SGCD: variants seen among roughly 807,000 people sequenced by gnomAD.
The protein encoded by SGCD is delta-sarcoglycan.
SGCD carries 18 observed loss-of-function variants against 36.6 expected under a neutral mutation model. The observed-to-expected ratio is 0.49, with a 90% CI of 0.34 to 0.73. The LOEUF (loss-of-function observed/expected upper bound fraction) is 0.73. SGCD is among the 30% of genes least tolerant of loss of function. The pLI is 0.01. For synonymous variants in SGCD, 133 were observed against 130.6 expected (o/e 1.02, Z -0.12); for missense variants, 387 against 346.7 (o/e 1.12, Z -0.92).
chr5:156,401,985 C>T (rs1772177021), intron 3 of SGCD, among the ~76,000 whole-genome samples: 1 of 152,194 alleles, frequency 6.6e-6, no homozygotes, highest in South Asian at 2.1e-4. Context: ...GGTTTGACTA[C>T]TCTGCCGACC....
chr5:156,061,322 C>A (rs1209787283), intron 1 of SGCD, among the ~76,000 whole-genome samples: 1 of 145,818 alleles, frequency 6.9e-6, no homozygotes, highest in African/African-American at 2.5e-5. Context: ...CAAAACAGAG[C>A]TAGACAAAAG....
intron 3 of SGCD, among the ~76,000 whole-genome samples, chr5:156,413,019 G>T (rs536023792): frequency 7.9e-5 from 12 of 151,576 alleles, no homozygotes; most frequent in Admixed American, 4.6e-4. Flanking sequence ...GGATGGTCTC[G>T]ATCTCCTGAC....
At chr5:156,110,280 A>G (rs551703380) in intron 1 of SGCD, among the ~76,000 whole-genome samples, 15 of 152,152 alleles carry the variant, frequency 9.9e-5, no homozygotes, top group Non-Finnish European at 1.5e-4. Flanking sequence ...ATACATATGA[A>G]TAGGAGTTAG....
intron 1 of SGCD, among the ~76,000 whole-genome samples, chr5:156,061,914 T>C (rs1320753562): frequency 7.5e-6 from 1 of 133,584 alleles, no homozygotes; most frequent in Non-Finnish European, 1.6e-5. Context: ...TTCCAGGAGT[T>C]TTCACTTTTT....
At chr5:155,956,770 T>C (rs550411701) in intron 1 of SGCD, among the ~76,000 whole-genome samples, 2 of 151,178 alleles carry the variant, frequency 1.3e-5, no homozygotes, top group South Asian at 4.3e-4. Flanking sequence ...CTCTTCTTTT[T>C]ATAAGGACCT....
chr5:155,899,927 C>T (rs1580979483), intron 1 of SGCD, among the ~76,000 whole-genome samples: 1 of 152,156 alleles, frequency 6.6e-6, no homozygotes, highest in Admixed American at 6.5e-5. Flanking sequence ...TGAGAAAACA[C>T]ATATCATGAT....
chr5:156,384,324 T>C (rs1269556056), intron 3 of SGCD, among the ~76,000 whole-genome samples: 8 of 152,234 alleles, frequency 5.3e-5, no homozygotes, highest in Non-Finnish European at 1.0e-4. Context: ...GGAAGCCTTC[T>C]TTCCTTCTTT....
At chr5:156,024,585 G>GT (rs1160941820) in intron 1 of SGCD, among the ~76,000 whole-genome samples, 1 of 152,032 alleles carries the variant, frequency 6.6e-6, no homozygotes, top group African/African-American at 2.4e-5. Context: ...AAATGCTCCA[G>GT]TTATGGTTCC....
chr5:156,718,845 A>T (rs11948514), intron 7 of SGCD, among the ~76,000 whole-genome samples: 5 of 150,176 alleles, frequency 3.3e-5, no homozygotes, highest in African/African-American at 1.2e-4. Context: ...TTAGCCAGGT[A>T]TGTTGGTACA....
chr5:156,211,585 G>A (rs1362791348), intron 3 of SGCD, among the ~76,000 whole-genome samples: 1 of 149,572 alleles, frequency 6.7e-6, no homozygotes, highest in African/African-American at 2.5e-5. Flanking sequence ...TCCAGCCTGG[G>A]CGACAGAGCG....
intron 3 of SGCD, among the ~76,000 whole-genome samples, chr5:156,382,619 G>T (rs145448778): frequency 6.6e-6 from 1 of 152,150 alleles, no homozygotes; most frequent in East Asian, 1.9e-4. Context: ...TCAGGGACAC[G>T]TGTGTGACAT....
chr5:156,695,991 T>G (rs761737548), intron 7 of SGCD, among the ~76,000 whole-genome samples: 16 of 152,326 alleles, frequency 1.1e-4, no homozygotes, highest in Non-Finnish European at 2.2e-4. Context: ...TGTGCTTTCT[T>G]TTTCTCAACC....
the SGCD span, among the ~76,000 whole-genome samples, chr5:155,742,393 A>G: frequency 1.3e-5 from 2 of 152,192 alleles, no homozygotes; most frequent in Non-Finnish European, 2.9e-5. Context: ...AAAGACATGT[A>G]AAGACAATGC....
At chr5:156,136,133 G>A (rs1762450578) in intron 3 of SGCD, among the ~76,000 whole-genome samples, 3 of 152,002 alleles carry the variant, frequency 2.0e-5, no homozygotes, top group African/African-American at 2.4e-5. Flanking sequence ...TATATTCTGG[G>A]ATAGGATTTT....
chr5:156,086,591 C>T (rs1761100049), intron 1 of SGCD, among the ~76,000 whole-genome samples: 1 of 152,180 alleles, frequency 6.6e-6, no homozygotes, highest in South Asian at 2.1e-4. Context: ...TCATACCAGG[C>T]ACAGTCAGGT....
chr5:156,434,068 C>G lies in SGCD; in HGVS notation c.193-74533C>G, dbSNP rs1035629056. On this transcript the variant is annotated intron_variant, in intron 3 of 8. Transcript: ENST00000337851. ...ATGCCAAATGCTCATTGGCTAGGCC[C>G]AGGCCACGTGCCACTCCTGCAGCTG... Among the ~76,000 whole-genome samples the G allele has an allele frequency of 4.7e-4, 72 of 152,194 alleles. 2 individuals carry two copies. The highest frequency in any genetic ancestry group is 6.5e-5 in the Admixed American group (1 of 15,284).
At chr5:156,350,843 A>C (rs1470881868) in intron 3 of SGCD, among the ~76,000 whole-genome samples, 1 of 152,162 alleles carries the variant, frequency 6.6e-6, no homozygotes, top group Admixed American at 6.6e-5. Flanking sequence ...TAACTCTACA[A>C]ATTTAATATT....
At chr5:156,567,349 C>T (rs1759526864) in intron 4 of SGCD, among the ~76,000 whole-genome samples, 2 of 107,168 alleles carry the variant, frequency 1.9e-5, no homozygotes, top group Admixed American at 1.2e-4. Context: ...GGGAGTGAGG[C>T]AGGGAGGGAG....
At chr5:155,910,991 G>A (rs1246421327) in intron 1 of SGCD, among the ~76,000 whole-genome samples, 2 of 152,066 alleles carry the variant, frequency 1.3e-5, no homozygotes, top group African/African-American at 4.8e-5. Flanking sequence ...TTCTATCACA[G>A]AGCCAGCTTC....
Sources: gnomAD v4.1 joint callset for allele counts (sites outside exome capture counted in the v4.1 genomes callset) on GRCh38, gnomAD v4.1.1 for gene constraint, MANE v1.5 for transcripts, NCBI Gene and HGNC (gene_info 2026-07-23, HGNC 2026-07-21) for gene names.